The following ARHGAP35 variants were observed in gnomAD, a reference collection of about 807,000 sequenced individuals.
The protein encoded by ARHGAP35 is Rho GTPase activating protein 35.
In ARHGAP35, 15 loss-of-function variants were observed where a neutral mutation model predicts 111.1. The observed-to-expected ratio is 0.13, with a 90% CI of 0.09 to 0.21. The LOEUF (loss-of-function observed/expected upper bound fraction) is 0.21. Among genes scored for constraint, ARHGAP35 ranks in the 10% least tolerant of loss-of-function variants. The probability of loss-of-function intolerance (pLI) is 1.00; values close to 1 mark genes in which losing one functional copy is unlikely to be tolerated. For synonymous variants in ARHGAP35, 643 were observed against 710.3 expected (o/e 0.91, Z 1.51); for missense variants, 1,262 against 1,873.0 (o/e 0.67, Z 6.02).
chr19:46,992,117 C>T lies in ARHGAP35; in HGVS notation c.4036+2442C>T, dbSNP rs775623085. Among the ~76,000 whole-genome samples the T allele has an allele frequency of 1.3e-4, 20 of 152,230 alleles. No homozygotes were observed. Among genetic ancestry groups the T allele is most frequent in the Non-Finnish European group, 2.1e-4 (14 of 68,050 alleles). On this transcript the variant is annotated intron_variant, in intron 5 of 6. Coordinates refer to ENST00000672722, the MANE Select transcript of ARHGAP35 (RefSeq NM_004491.5). The surrounding 1 kb of genome is among the most constrained non-coding windows in gnomAD (Gnocchi z 4.4). The stretch of plus-strand genomic sequence containing the variant: ...TTCAGAAATGAACAGCAGCAGCAAC[C>T]GCACCGCCCATGGCCTGTGTGCCTG...
At chr19:46,936,984 C>T (rs1239217449) in intron 2 of ARHGAP35, among the ~76,000 whole-genome samples, 4 of 151,910 alleles carry the variant, frequency 2.6e-5, no homozygotes, top group South Asian at 2.1e-4. Flanking sequence ...GGATTACAGG[C>T]GCCCACCACT....
intron 1 of ARHGAP35, among the ~76,000 whole-genome samples, chr19:46,879,407 T>A (rs1478527739): frequency 6.6e-6 from 1 of 151,778 alleles, no homozygotes; most frequent in Admixed American, 6.6e-5. Flanking sequence ...GCTAACATGG[T>A]GAAACCCCGT....
chr19:46,981,260 A>G (rs1208213285), intron 3 of ARHGAP35, among the ~76,000 whole-genome samples: 1 of 152,252 alleles, frequency 6.6e-6, no homozygotes, highest in African/African-American at 2.4e-5. Flanking sequence ...ATGGTTTATT[A>G]GATGCTTCCA....
At chr19:46,939,025 G>T (rs1456369054) in intron 3 of ARHGAP35, among the ~76,000 whole-genome samples, 1 of 151,848 alleles carries the variant, frequency 6.6e-6, no homozygotes, top group African/African-American at 2.4e-5. Flanking sequence ...GTGGAAACCA[G>T]AGAAATAATT....
At chr19:46,917,417 G>A (rs1392389308) in intron 1 of ARHGAP35, among the ~76,000 whole-genome samples, 4 of 152,060 alleles carry the variant, frequency 2.6e-5, no homozygotes, top group East Asian at 3.9e-4. Context: ...AAACCAGCCC[G>A]GGCAACATGG....
chr19:46,980,138 A>G (rs926205851), intron 3 of ARHGAP35, among the ~76,000 whole-genome samples: 4 of 152,172 alleles, frequency 2.6e-5, no homozygotes, highest in African/African-American at 9.7e-5. Flanking sequence ...TAATCCCAGC[A>G]CTTTGGGAGG....
At chr19:46,864,994 A>G (rs1051303027) in intron 1 of ARHGAP35, among the ~76,000 whole-genome samples, 7 of 152,244 alleles carry the variant, frequency 4.6e-5, no homozygotes, top group Admixed American at 4.6e-4. Context: ...CTAAGTTTAC[A>G]TAATAGGGAG....
intron 2 of ARHGAP35, among the ~76,000 whole-genome samples, chr19:46,935,579 C>T (rs757252345): frequency 2.6e-5 from 4 of 152,172 alleles, no homozygotes; most frequent in Non-Finnish European, 4.4e-5. Context: ...CCTGGCGGTT[C>T]GTTGTTTCCT....
chr19:46,967,385 C>T (rs1480553201), intron 3 of ARHGAP35, among the ~76,000 whole-genome samples: 1 of 152,152 alleles, frequency 6.6e-6, no homozygotes, highest in Non-Finnish European at 1.5e-5. Flanking sequence ...TCCCTTGTTA[C>T]CTTCCCACAC....
At chr19:46,985,838 G>A (rs193247121) in intron 3 of ARHGAP35, among the ~76,000 whole-genome samples, 26 of 152,232 alleles carry the variant, frequency 1.7e-4, no homozygotes, top group Admixed American at 7.2e-4. Flanking sequence ...CAGCTTTTAA[G>A]CCAGAGAATT....
At chr19:46,910,302 T>G (rs983326536) in intron 1 of ARHGAP35, among the ~76,000 whole-genome samples, 6 of 151,866 alleles carry the variant, frequency 4.0e-5, no homozygotes, top group Admixed American at 6.6e-5. Flanking sequence ...TTTCTTTTAT[T>G]TTTTTTGAGA....
At chr19:46,971,738 T>G (rs1307306824) in intron 3 of ARHGAP35, among the ~76,000 whole-genome samples, 1 of 152,018 alleles carries the variant, frequency 6.6e-6, no homozygotes, top group African/African-American at 2.4e-5. Context: ...GACCTTGTGA[T>G]CTGCCTGCCT....
intron 1 of ARHGAP35, among the ~76,000 whole-genome samples, chr19:46,914,316 C>T (rs1044542176): frequency 6.6e-6 from 1 of 152,106 alleles, no homozygotes; most frequent in Non-Finnish European, 1.5e-5. Flanking sequence ...TTAAAAATAA[C>T]AGTCGTGGCT....
chr19:46,998,716 G>A (rs965033234), intron 5 of ARHGAP35, among the ~76,000 whole-genome samples: 2 of 152,270 alleles, frequency 1.3e-5, no homozygotes, highest in African/African-American at 2.4e-5. Context: ...TTCCATGATA[G>A]GCAAAGTGTG....
chr19:46,883,532 C>T (rs1267871822), intron 1 of ARHGAP35, among the ~76,000 whole-genome samples: 1 of 152,064 alleles, frequency 6.6e-6, no homozygotes, highest in Non-Finnish European at 1.5e-5. Flanking sequence ...AAATCAATTG[C>T]AATATTAACA....
chr19:46,863,045 T>C (rs1269816638), intron 1 of ARHGAP35, among the ~76,000 whole-genome samples: 2 of 151,142 alleles, frequency 1.3e-5, no homozygotes, highest in Admixed American at 1.3e-4. Flanking sequence ...CTTGTTTCCT[T>C]CCTCACCTTT....
At chr19:46,953,953 G>A (rs1342901639) in intron 3 of ARHGAP35, among the ~76,000 whole-genome samples, 3 of 152,020 alleles carry the variant, frequency 2.0e-5, no homozygotes, top group Non-Finnish European at 2.9e-5. Flanking sequence ...CATCCTTTCC[G>A]AAGCCTTCAC....
rs2056189755 is a variant in ARHGAP35 at position 46,920,142 on chromosome 19, G to T, written c.1467G>T (p.Lys489Asn). 3 of 1,613,820 alleles carry T rather than the reference G, an allele frequency of 1.9e-6. No homozygotes were observed. The change falls in exon 2 of 7, where the codon AAG becomes AAT. Residue 489 changes from lysine to asparagine, a missense_variant. Physicochemically the swap from Lys to Asn is moderately conservative, Grantham distance 94. This residue lies in a region of ARHGAP35 where 328 missense variants were observed against 440.8 expected (regional missense o/e 0.74). Transcript: ENST00000672722. The surrounding 1 kb of genome is among the most constrained non-coding windows in gnomAD (Gnocchi z 7.0). ...KHQKQIIDKA[K>N]EEFQELLLEY... is the part of the protein sequence containing the mutation. ...AAAAGCAAATTATAGATAAAGCAAA[G>T]GAAGAATTTCAGGAGTTGCTTTTGG...
intron 1 of ARHGAP35, among the ~76,000 whole-genome samples, chr19:46,877,275 T>G (rs562927587): frequency 2.2e-4 from 25 of 115,912 alleles, no homozygotes; most frequent in African/African-American, 8.1e-4. Context: ...AAAAAAGTTA[T>G]GTTTTGGCTG....
Sources: allele counts gnomAD v4.1 joint callset (sites outside exome capture counted in the v4.1 genomes callset), GRCh38; gene constraint gnomAD v4.1.1; regional missense constraint gnomAD v4.1.1; non-coding constraint Gnocchi (gnomAD v3.1); transcripts MANE v1.5; gene names NCBI Gene and HGNC (gene_info 2026-07-23, HGNC 2026-07-21).